SH3RF2: variants seen among roughly 807,000 people sequenced by gnomAD.
The protein encoded by SH3RF2 is SH3 domain containing ring finger 2, also known as E3 ubiquitin-protein ligase SH3RF2.
SH3RF2 carries 43 observed loss-of-function variants against 59.0 expected under a neutral mutation model. That is an observed-to-expected ratio of 0.73 (90% CI 0.57 to 0.94). The LOEUF (loss-of-function observed/expected upper bound fraction) is 0.94. Among genes scored for constraint, SH3RF2 ranks in the 40% least tolerant of loss-of-function variants. SH3RF2 has a pLI of 0.00. For missense variants in SH3RF2, 930 were observed against 940.1 expected (o/e 0.99, Z 0.14); for synonymous variants, 391 against 391.5 (o/e 1.00, Z 0.01).
At chr5:145,989,164 G>A (rs1393917148) in intron 2 of SH3RF2, among the ~76,000 whole-genome samples, 2 of 152,186 alleles carry the variant, frequency 1.3e-5, no homozygotes, top group Non-Finnish European at 2.9e-5. Flanking sequence ...CTTCTGAAAA[G>A]CGAGTCAGCA....
At chr5:145,943,553 A>T (rs1430634046) in intron 2 of SH3RF2, among the ~76,000 whole-genome samples, 1 of 152,112 alleles carries the variant, frequency 6.6e-6, no homozygotes, top group East Asian at 1.9e-4. Flanking sequence ...CACCTGACCC[A>T]CTCTGATTTC....
chr5:146,023,860 C>A (rs1338687365), intron 5 of SH3RF2, among the ~76,000 whole-genome samples: 3 of 152,106 alleles, frequency 2.0e-5, no homozygotes, highest in African/African-American at 7.2e-5. Context: ...ACACAGTATT[C>A]GAATATTTGG....
At chr5:146,041,394 T>C (rs915286062) in intron 5 of SH3RF2, among the ~76,000 whole-genome samples, 2 of 152,198 alleles carry the variant, frequency 1.3e-5, no homozygotes, top group East Asian at 3.8e-4. Context: ...CTTCCTGGCA[T>C]ACACTGTGAG....
At chr5:146,076,689 T>C (rs73313961) in intron 9 of SH3RF2, among the ~76,000 whole-genome samples, 3,981 of 152,284 alleles carry the variant, frequency 0.026, 153 homozygotes, top group African/African-American at 0.085. Context: ...AAGTGCTGCA[T>C]TGCATTTGCA....
intron 2 of SH3RF2, among the ~76,000 whole-genome samples, chr5:145,952,551 A>G (rs1206122710): frequency 6.6e-6 from 1 of 152,254 alleles, no homozygotes; most frequent in Non-Finnish European, 1.5e-5. Flanking sequence ...TTCACTGACT[A>G]CACAAATGTA....
At chr5:146,019,920 G>T (rs1351756345) in intron 5 of SH3RF2, among the ~76,000 whole-genome samples, 1 of 151,982 alleles carries the variant, frequency 6.6e-6, no homozygotes, top group Non-Finnish European at 1.5e-5. Flanking sequence ...GTTTGTTGTT[G>T]GTGTATAGCG....
intron 2 of SH3RF2, among the ~76,000 whole-genome samples, chr5:145,988,609 T>C (rs904726013): frequency 2.0e-5 from 3 of 152,070 alleles, no homozygotes; most frequent in African/African-American, 7.2e-5. Flanking sequence ...TATTGCATCC[T>C]AGTACCTCTC....
intron 5 of SH3RF2, among the ~76,000 whole-genome samples, chr5:146,016,769 T>C (rs80287441): frequency 0.025 from 3,747 of 152,300 alleles, 164 homozygotes; most frequent in African/African-American, 0.087. Flanking sequence ...TTGGTTGTCT[T>C]CACTTGGCTC....
At chr5:145,991,020 T>C (rs989691240) in intron 2 of SH3RF2, among the ~76,000 whole-genome samples, 4 of 152,222 alleles carry the variant, frequency 2.6e-5, no homozygotes, top group Non-Finnish European at 5.9e-5. Flanking sequence ...TAGAGTTCAA[T>C]AATTCATGCT....
At chr5:146,010,674 CTTCTT>C (rs1434018655) in intron 4 of SH3RF2, among the ~76,000 whole-genome samples, 3 of 152,142 alleles carry the variant, frequency 2.0e-5, no homozygotes, top group Admixed American at 2.0e-4. Context: ...GCATAAATGT[CTTCTT>C]TTGAGAAGTG....
At chr5:146,064,844 GA>G (rs1318241004), downstream of SH3RF2, among the ~76,000 whole-genome samples, 1 of 15,698 alleles carries the variant, frequency 6.4e-5, no homozygotes, top group East Asian at 0.031. Flanking sequence ...AAGAAAGAAA[GA>G]AAGAAAGAAA....
At chr5:146,035,387 T>G (rs1247529661) in intron 5 of SH3RF2, among the ~76,000 whole-genome samples, 2 of 152,114 alleles carry the variant, frequency 1.3e-5, no homozygotes, top group African/African-American at 4.8e-5. Context: ...CTGACTTCAG[T>G]TTGCTTCACC....
At chr5:146,020,394 T>C (rs529934208) in intron 5 of SH3RF2, among the ~76,000 whole-genome samples, 1 of 152,346 alleles carries the variant, frequency 6.6e-6, no homozygotes, top group African/African-American at 2.4e-5. Flanking sequence ...CCCAGCACAA[T>C]GCCTGCATTA....
intron 2 of SH3RF2, among the ~76,000 whole-genome samples, chr5:145,982,186 AG>A (rs1322655495): frequency 6.6e-6 from 1 of 152,174 alleles, no homozygotes; most frequent in Non-Finnish European, 1.5e-5. Flanking sequence ...GCCTCCTAGG[AG>A]GAAAATTGAG....
chr5:145,997,727 T>A lies in SH3RF2; in HGVS notation c.379-2331T>A, dbSNP rs559843060. Reference sequence around the variant, plus strand: ...AGGTATATGCTACAAGCCAGCAAATTTTTGAAGCAGTTAAATCATTGTGGA... The same window carrying A: ...AGGTATATGCTACAAGCCAGCAAATATTTGAAGCAGTTAAATCATTGTGGA... On this transcript the variant is annotated intron_variant, in intron 2 of 9. Transcript: ENST00000359120. 6.9e-5 allele frequency: 109 copies of A among 1,573,446 alleles called. 2 individuals are homozygous for A. In the South Asian group the frequency reaches 1.2e-3, roughly 17 times the overall value.
At chr5:145,943,230 TAAA>T (rs5871948) in intron 2 of SH3RF2, among the ~76,000 whole-genome samples, 1 of 139,668 alleles carries the variant, frequency 7.2e-6, no homozygotes. Flanking sequence ...GGATCTCCAT[TAAA>T]AAAAAAAAAG....
chr5:146,038,283 C>A (rs1762011205), intron 5 of SH3RF2, among the ~76,000 whole-genome samples: 1 of 152,120 alleles, frequency 6.6e-6, no homozygotes, highest in Non-Finnish European at 1.5e-5. Context: ...GAACAAAATG[C>A]CCATTTTCAT....
chr5:145,977,802 G>C (rs1419177363), intron 2 of SH3RF2, among the ~76,000 whole-genome samples: 1 of 152,192 alleles, frequency 6.6e-6, no homozygotes, highest in Non-Finnish European at 1.5e-5. Flanking sequence ...CTCAAGAACA[G>C]ACATTCTGAC....
intron 2 of SH3RF2, among the ~76,000 whole-genome samples, chr5:145,986,851 T>C (rs1379886374): frequency 6.6e-6 from 1 of 152,198 alleles, no homozygotes; most frequent in Non-Finnish European, 1.5e-5. Flanking sequence ...CACTACTGAC[T>C]ATAAGCAGCT....
Sources: allele counts gnomAD v4.1 joint callset (sites outside exome capture counted in the v4.1 genomes callset), GRCh38; gene constraint gnomAD v4.1.1; transcripts MANE v1.5; gene names NCBI Gene and HGNC (gene_info 2026-07-23, HGNC 2026-07-21).